The following PDE4D variants were observed in gnomAD, a reference collection of about 807,000 sequenced individuals.
PDE4D encodes the protein phosphodiesterase 4D.
A neutral mutation model predicts 87.4 loss-of-function variants in PDE4D; 24 were observed. That is an observed-to-expected ratio of 0.27 (90% confidence interval 0.20 to 0.39). The LOEUF is 0.39. Ranked by LOEUF, PDE4D falls within the 10% of genes least tolerant of loss-of-function variation. PDE4D has a pLI of 1.00. For synonymous variants in PDE4D, 384 were observed against 383.2 expected (o/e 1.00, Z -0.02); for missense variants, 714 against 1,041.0 (o/e 0.69, Z 4.32).
At chr5:60,234,990 G>A (rs1156377892) in intron 1 of PDE4D, among the ~76,000 whole-genome samples, 3 of 151,766 alleles carry the variant, frequency 2.0e-5, no homozygotes, top group Admixed American at 6.6e-5. Flanking sequence ...CTTCTGTCAT[G>A]ATGAAACCAG....
intron 3 of PDE4D, among the ~76,000 whole-genome samples, chr5:59,912,365 G>A (rs1345740968): frequency 6.6e-6 from 1 of 152,196 alleles, no homozygotes; most frequent in Non-Finnish European, 1.5e-5. Flanking sequence ...TCCCGGGAAG[G>A]AAAATGTCAA....
intron 1 of PDE4D, among the ~76,000 whole-genome samples, chr5:59,495,847 C>T (rs1446212408): frequency 6.6e-6 from 1 of 152,134 alleles, no homozygotes; most frequent in Non-Finnish European, 1.5e-5. Context: ...GGGTCGATCC[C>T]ACGGCAGCAT....
At chr5:60,446,486 T>C (rs1745653047) in intron 1 of PDE4D, among the ~76,000 whole-genome samples, 1 of 152,044 alleles carries the variant, frequency 6.6e-6, no homozygotes, top group African/African-American at 2.4e-5. Flanking sequence ...AAAACAGACT[T>C]CAAAATCATA....
intron 1 of PDE4D, among the ~76,000 whole-genome samples, chr5:60,262,993 A>G (rs1240786003): frequency 1.3e-5 from 2 of 152,214 alleles, no homozygotes; most frequent in Admixed American, 6.5e-5. Context: ...AGGAGAAATC[A>G]CTACATATTA....
intron 6 of PDE4D, among the ~76,000 whole-genome samples, chr5:59,027,251 A>C (rs938550724): frequency 6.6e-6 from 1 of 152,216 alleles, no homozygotes; most frequent in Non-Finnish European, 1.5e-5. Context: ...ACAGATTAAA[A>C]GTGCCATTTT....
chr5:59,543,508 T>C (rs868632093), intron 1 of PDE4D, among the ~76,000 whole-genome samples: 27 of 152,058 alleles, frequency 1.8e-4, no homozygotes, highest in African/African-American at 5.1e-4. Flanking sequence ...AACAACTTTA[T>C]AGGGGAATTC....
intron 1 of PDE4D, among the ~76,000 whole-genome samples, chr5:59,532,587 T>C (rs1814437445): frequency 6.6e-6 from 1 of 152,222 alleles, no homozygotes; most frequent in African/African-American, 2.4e-5. Context: ...TGAAAATTCT[T>C]AGCTAAAGAA....
At chr5:60,335,565 C>T (rs1757683519) in intron 1 of PDE4D, among the ~76,000 whole-genome samples, 1 of 152,068 alleles carries the variant, frequency 6.6e-6, no homozygotes, top group African/African-American at 2.4e-5. Flanking sequence ...TTAGTAAATG[C>T]TCTAAGAAAG....
intron 2 of PDE4D, among the ~76,000 whole-genome samples, chr5:60,097,619 T>C (rs1582637071): frequency 6.6e-6 from 1 of 152,132 alleles, no homozygotes; most frequent in East Asian, 1.9e-4. Context: ...TTAAGACTGA[T>C]ACCTTGCTTG....
intron 2 of PDE4D, among the ~76,000 whole-genome samples, chr5:60,081,342 C>T (rs1319849895): frequency 6.7e-6 from 1 of 148,996 alleles, no homozygotes; most frequent in African/African-American, 2.5e-5. Flanking sequence ...AAAAACAGCT[C>T]CTGGATTTGT....
intron 1 of PDE4D, among the ~76,000 whole-genome samples, chr5:59,240,990 G>C (rs1757555498): frequency 6.6e-6 from 1 of 152,098 alleles, no homozygotes; most frequent in Non-Finnish European, 1.5e-5. Context: ...GTACCTATGT[G>C]ATGAGTCTTT....
rs537776727 is a variant in PDE4D, at chr5:60,143,677, G to A, written c.42+41880C>T. Among the ~76,000 whole-genome samples, 38 of 143,946 alleles carry A rather than the reference G, an allele frequency of 2.6e-4. No homozygotes were observed. In the East Asian group the frequency reaches 5.2e-3, roughly 20 times the overall value. The allele number at this position is 143,946 out of a possible 152,430, so 94.4% of individuals were successfully genotyped here. Reference sequence around the variant, plus strand: ...TGTGTGTGTGTTTTGGGGAGGGGGCGGTTAAGCTCGCTAGATGATTTTAAT... The same window carrying A: ...TGTGTGTGTGTTTTGGGGAGGGGGCAGTTAAGCTCGCTAGATGATTTTAAT... On this transcript the variant is annotated intron_variant, in intron 2 of 16. Transcript: ENST00000502484.
intron 8 of PDE4D, among the ~76,000 whole-genome samples, 181 bp downstream of exon 8, chr5:58,991,651 C>T (rs1027298244): frequency 6.6e-6 from 1 of 151,768 alleles, no homozygotes; most frequent in South Asian, 2.1e-4. Flanking sequence ...CTAAAACATA[C>T]CAAACCACCT....
chr5:60,502,604 TC>T (rs1750138681), intron 1 of PDE4D, among the ~76,000 whole-genome samples: 1 of 152,154 alleles, frequency 6.6e-6, no homozygotes, highest in Non-Finnish European at 1.5e-5. Flanking sequence ...ATCTTGGCTG[TC>T]CCCCTGCTAC....
chr5:59,353,675 T>C (rs1324326293), intron 1 of PDE4D, among the ~76,000 whole-genome samples: 5 of 151,964 alleles, frequency 3.3e-5, no homozygotes, highest in Admixed American at 2.0e-4. Context: ...CCCTCTGCTT[T>C]CTCTCTTTTT....
chr5:59,811,440 ACT>A (rs1225248999), intron 1 of PDE4D, among the ~76,000 whole-genome samples: 1 of 152,124 alleles, frequency 6.6e-6, no homozygotes, highest in African/African-American at 2.4e-5. Context: ...CATTTTAATC[ACT>A]CTCAAAGAAT....
chr5:60,146,046 T>A (rs1258913140), intron 2 of PDE4D, among the ~76,000 whole-genome samples: 1 of 152,130 alleles, frequency 6.6e-6, no homozygotes, highest in African/African-American at 2.4e-5. Flanking sequence ...AAACCCCGTC[T>A]CCACTAAAAT....
chr5:59,171,996 A>ATATT (rs373937588), intron 5 of PDE4D, among the ~76,000 whole-genome samples: 31 of 70,028 alleles, frequency 4.4e-4, no homozygotes, highest in African/African-American at 2.4e-3. Flanking sequence ...TATATATTAT[A>ATATT]TATATAATAA....
At chr5:60,137,963 A>G (rs1180380120) in intron 2 of PDE4D, among the ~76,000 whole-genome samples, 3 of 151,970 alleles carry the variant, frequency 2.0e-5, no homozygotes, top group Admixed American at 6.6e-5. Flanking sequence ...ATTTTTGTAT[A>G]TGGTGTAAGG....
Sources: gnomAD v4.1 joint callset for allele counts (sites outside exome capture counted in the v4.1 genomes callset) on GRCh38, gnomAD v4.1.1 for gene constraint, MANE v1.5 for transcripts, NCBI Gene and HGNC (gene_info 2026-07-23, HGNC 2026-07-21) for gene names.